TRPM3: variants seen among roughly 807,000 people sequenced by gnomAD.
TRPM3 encodes long transient receptor potential channel 3.
TRPM3 carries 77 observed loss-of-function variants against 181.2 expected under a neutral mutation model. The ratio of observed to expected loss-of-function variants is 0.42; its 90% CI spans 0.35 to 0.51. The LOEUF is 0.51. TRPM3 is among the 20% of genes least tolerant of loss of function. The pLI is 0.01. For synonymous variants in TRPM3, 745 were observed against 796.4 expected (o/e 0.94, Z 1.09); for missense variants, 1,759 against 2,196.7 (o/e 0.80, Z 3.98).
intron 1 of TRPM3, among the ~76,000 whole-genome samples, chr9:71,315,370 A>G (rs895358581): frequency 1.3e-5 from 2 of 152,198 alleles, no homozygotes; most frequent in Non-Finnish European, 2.9e-5. Flanking sequence ...AAAACCAGTT[A>G]TTGCTTTTAT....
At chr9:70,845,838 T>G (rs967660033) in intron 4 of TRPM3, among the ~76,000 whole-genome samples, 4 of 152,172 alleles carry the variant, frequency 2.6e-5, no homozygotes, top group Non-Finnish European at 5.9e-5. Context: ...TATCACAATA[T>G]AGATGGCAGG....
At chr9:71,420,878 G>GAGGGAGAGAA in intron 1 of TRPM3, among the ~76,000 whole-genome samples, 1 of 1,202 alleles carries the variant, frequency 8.3e-4, no homozygotes, top group Non-Finnish European at 1.4e-3. Flanking sequence ...GGAGAGAAAA[G>GAGGGAGAGAA]GAGGGAGAGA....
intron 1 of TRPM3, among the ~76,000 whole-genome samples, chr9:70,921,942 A>ACACACACACACACACAAAC (rs1554770509): frequency 7.2e-6 from 1 of 139,394 alleles, no homozygotes; most frequent in Admixed American, 7.2e-5. Flanking sequence ...CACACAAACA[A>ACACACACACACACACAAAC]ACACACACAC....
chr9:71,443,858 T>A (rs2131688283), intron 1 of TRPM3, among the ~76,000 whole-genome samples: 1 of 152,224 alleles, frequency 6.6e-6, no homozygotes, highest in African/African-American at 2.4e-5. Context: ...CTATTAATTA[T>A]GATGTATGCA....
At chr9:71,343,380 G>T (rs771148962) in intron 1 of TRPM3, among the ~76,000 whole-genome samples, 2 of 152,054 alleles carry the variant, frequency 1.3e-5, no homozygotes, top group African/African-American at 2.4e-5. Flanking sequence ...GTGGGGAGGG[G>T]ATTCAAATAC....
At chr9:70,999,356 A>T (rs1223722148) in intron 1 of TRPM3, among the ~76,000 whole-genome samples, 1 of 152,230 alleles carries the variant, frequency 6.6e-6, no homozygotes, top group Admixed American at 6.5e-5. Context: ...CTCAGGCCAG[A>T]ATTTAGCATC....
intron 9 of TRPM3, among the ~76,000 whole-genome samples, chr9:70,669,160 G>T (rs754666745): frequency 1.3e-5 from 2 of 152,178 alleles, no homozygotes; most frequent in East Asian, 3.9e-4. Flanking sequence ...GCTGCATGGC[G>T]CAGGGGAAAA....
intron 1 of TRPM3, among the ~76,000 whole-genome samples, chr9:71,138,356 G>A: frequency 6.6e-6 from 1 of 152,116 alleles, no homozygotes; most frequent in African/African-American, 2.4e-5. Flanking sequence ...CCATCCCCAG[G>A]TAGAGATGAT....
chr9:71,256,497 G>T (rs999403605), intron 1 of TRPM3, among the ~76,000 whole-genome samples: 1 of 152,100 alleles, frequency 6.6e-6, no homozygotes, highest in South Asian at 2.1e-4. Context: ...AACTCCAAGA[G>T]AGAGTGCCAT....
At chr9:70,600,084 A>T (rs528259975) in intron 20 of TRPM3, among the ~76,000 whole-genome samples, 2 of 152,248 alleles carry the variant, frequency 1.3e-5, no homozygotes, top group South Asian at 4.1e-4. Context: ...CTTACCTTAA[A>T]CTTAGAGGGG....
chr9:71,270,629 C>A (rs112306025), intron 1 of TRPM3, among the ~76,000 whole-genome samples: 1,797 of 152,292 alleles, frequency 0.012, 14 homozygotes, highest in Non-Finnish European at 0.016. Flanking sequence ...CTCAGTGCAA[C>A]TGTCCCTTCC....
At chr9:70,929,672 T>C (rs1049950874) in intron 1 of TRPM3, among the ~76,000 whole-genome samples, 2 of 152,166 alleles carry the variant, frequency 1.3e-5, no homozygotes, top group African/African-American at 2.4e-5. Context: ...GTAAACTCTA[T>C]CCTTAACATG....
At chr9:71,321,300 C>T (rs938901906) in intron 1 of TRPM3, among the ~76,000 whole-genome samples, 1 of 152,154 alleles carries the variant, frequency 6.6e-6, no homozygotes, top group African/African-American at 2.4e-5. Flanking sequence ...TTGTCATCAC[C>T]TCTTTCCTAG....
intron 1 of TRPM3, among the ~76,000 whole-genome samples, chr9:71,319,106 T>C (rs552986979): frequency 5.3e-5 from 8 of 149,944 alleles, no homozygotes; most frequent in Admixed American, 1.3e-4. Flanking sequence ...ATTTTATTCA[T>C]ATAAGGTCCC....
intron 1 of TRPM3, among the ~76,000 whole-genome samples, chr9:71,395,353 A>G (rs559222390): frequency 7.9e-5 from 12 of 152,326 alleles, no homozygotes; most frequent in African/African-American, 2.6e-4. Flanking sequence ...GTGGACTCCT[A>G]TATCACCTAG....
intron 1 of TRPM3, among the ~76,000 whole-genome samples, chr9:71,077,906 CTT>C (rs574083427): frequency 8.4e-5 from 11 of 130,816 alleles, no homozygotes; most frequent in African/African-American, 1.9e-4. Flanking sequence ...TTGTTTTTGT[CTT>C]TTTTTTTTTT....
rs112799258 is a variant in TRPM3 at position 70,576,669 on chromosome 9, C to T, written c.3223+14362G>A. On this transcript the variant is annotated intron_variant, in intron 22 of 25. Transcript: ENST00000677713. The stretch of plus-strand genomic sequence containing the variant: ...AGCTGGGATTATAGGCACCCGCCAC[C>T]GTGCCCGGCTAATTTTTGTATTTTT... Among the ~76,000 whole-genome samples, 1,036 of 152,208 alleles carry T rather than the reference C, an allele frequency of 6.8e-3. 12 individuals carry two copies. The highest frequency in any genetic ancestry group is 0.022 in the African/African-American group (900 of 41,528).
At chr9:71,315,407 C>T (rs1402199317) in intron 1 of TRPM3, among the ~76,000 whole-genome samples, 1 of 152,120 alleles carries the variant, frequency 6.6e-6, no homozygotes, top group East Asian at 1.9e-4. Context: ...GAGGAAGAGG[C>T]ATTTTTCAAA....
chr9:71,210,933 T>C (rs1375091791), intron 1 of TRPM3, among the ~76,000 whole-genome samples: 1 of 152,186 alleles, frequency 6.6e-6, no homozygotes, highest in Non-Finnish European at 1.5e-5. Flanking sequence ...CTGGTGTCTC[T>C]TCATTATCTT....
Sources: gnomAD v4.1 joint callset for allele counts (sites outside exome capture counted in the v4.1 genomes callset) on GRCh38, gnomAD v4.1.1 for gene constraint, MANE v1.5 for transcripts, NCBI Gene and HGNC (gene_info 2026-07-23, HGNC 2026-07-21) for gene names.